GRM7: variants seen among roughly 807,000 people sequenced by gnomAD.
GRM7 encodes metabotropic glutamate receptor 7.
GRM7 carries 35 observed loss-of-function variants against 84.5 expected under a neutral mutation model. The observed-to-expected ratio is 0.41, with a 90% CI of 0.32 to 0.55. The LOEUF is 0.55. GRM7 is among the 20% of genes least tolerant of loss of function. The pLI, the probability that GRM7 is intolerant of heterozygous loss-of-function variation, is 0.19. For synonymous variants in GRM7, 487 were observed against 455.1 expected (o/e 1.07, Z -0.89); for missense variants, 1,003 against 1,194.6 (o/e 0.84, Z 2.36).
At chr3:7,095,766 T>G (rs542962842) in intron 1 of GRM7, among the ~76,000 whole-genome samples, 4 of 152,154 alleles carry the variant, frequency 2.6e-5, no homozygotes, top group Admixed American at 6.6e-5. Context: ...TAGCCATATT[T>G]TTTTCTAGTC....
At chr3:7,141,805 A>G (rs1693953390) in intron 1 of GRM7, among the ~76,000 whole-genome samples, 1 of 152,154 alleles carries the variant, frequency 6.6e-6, no homozygotes, top group Non-Finnish European at 1.5e-5. Context: ...ATAGAACAAA[A>G]GATGTTCTTT....
At chr3:7,173,232 A>C (rs1482019996) in intron 2 of GRM7, among the ~76,000 whole-genome samples, 1 of 152,194 alleles carries the variant, frequency 6.6e-6, no homozygotes, top group Non-Finnish European at 1.5e-5. Flanking sequence ...AGTTAACTAC[A>C]TTCAAATTCA....
chr3:7,505,855 C>A (rs543779613), intron 7 of GRM7, among the ~76,000 whole-genome samples: 1 of 152,142 alleles, frequency 6.6e-6, no homozygotes, highest in Non-Finnish European at 1.5e-5. Flanking sequence ...AAATGTCTTC[C>A]AAGTTTTTCT....
chr3:7,003,082 C>T (rs146698938), intron 1 of GRM7, among the ~76,000 whole-genome samples: 20 of 152,036 alleles, frequency 1.3e-4, no homozygotes, highest in African/African-American at 2.4e-4. Context: ...ACAGAGGCTG[C>T]GGGTTGAGGG....
intron 2 of GRM7, among the ~76,000 whole-genome samples, chr3:7,294,544 C>A: frequency 7.0e-6 from 1 of 143,390 alleles, no homozygotes. Context: ...TTTCTCTATG[C>A]CACCTTCCTA....
At position 7,044,452 on chromosome 3, in the gene GRM7, A is replaced by C. The variant is rs560012536; in HGVS notation, c.520-102000A>C. Among the ~76,000 whole-genome samples, 66 of 152,272 alleles carry C rather than the reference A, an allele frequency of 4.3e-4. 1 individual carries two copies. The South Asian group carries it at 0.013, about 31-fold the overall frequency. On this transcript the variant is annotated intron_variant, in intron 1 of 9. Coordinates refer to ENST00000357716, the MANE Select transcript of GRM7 (RefSeq NM_000844.4). ...ATTGCTTATCATTGAGATAATTTTT[A>C]CATTGGATTATATTTTTAAAATATG...
At chr3:7,048,021 A>G (rs1208499178) in intron 1 of GRM7, among the ~76,000 whole-genome samples, 2 of 152,024 alleles carry the variant, frequency 1.3e-5, no homozygotes, top group East Asian at 3.9e-4. Context: ...TGACATGAAT[A>G]TAGTTAATAA....
At chr3:6,898,121 A>G (rs546190849) in intron 1 of GRM7, among the ~76,000 whole-genome samples, 1 of 152,216 alleles carries the variant, frequency 6.6e-6, no homozygotes, top group South Asian at 2.1e-4. Flanking sequence ...CATCCAGGGC[A>G]CAGAGCTGGA....
chr3:7,132,319 C>T (rs571737381), intron 1 of GRM7, among the ~76,000 whole-genome samples: 3 of 152,198 alleles, frequency 2.0e-5, no homozygotes, highest in African/African-American at 4.8e-5. Flanking sequence ...AACATAAATA[C>T]GCTCATGGAG....
At chr3:7,295,565 A>T (rs1699784347) in intron 2 of GRM7, among the ~76,000 whole-genome samples, 1 of 152,234 alleles carries the variant, frequency 6.6e-6, no homozygotes. Flanking sequence ...GATAGCATTG[A>T]ATCTATAGAT....
chr3:7,709,490 G>A (rs1701506650), intron 9 of GRM7, among the ~76,000 whole-genome samples: 1 of 152,118 alleles, frequency 6.6e-6, no homozygotes, highest in Admixed American at 6.5e-5. Flanking sequence ...AGTGTCAGTG[G>A]AGACAGACAA....
chr3:7,200,970 T>G (rs895562170), intron 2 of GRM7, among the ~76,000 whole-genome samples: 1 of 138,944 alleles, frequency 7.2e-6, no homozygotes, highest in East Asian at 2.0e-4. Flanking sequence ...CAGAATTTTT[T>G]TTTTTTTTTT....
chr3:7,154,420 T>C (rs1351289313), intron 2 of GRM7, among the ~76,000 whole-genome samples: 1 of 152,186 alleles, frequency 6.6e-6, no homozygotes, highest in East Asian at 1.9e-4. Context: ...GATGAGAAAA[T>C]AGTGAAAAAT....
chr3:7,088,863 C>A (rs912933298), intron 1 of GRM7, among the ~76,000 whole-genome samples: 1 of 151,538 alleles, frequency 6.6e-6, no homozygotes, highest in Non-Finnish European at 1.5e-5. Flanking sequence ...TAGAACTTTT[C>A]TAAATAGTCT....
rs1428473722 is a variant in GRM7, at chr3:7,634,492, AAAAAAAAAAAG to A, written c.2452-45556_2452-45546del. 3.0e-3 allele frequency among the ~76,000 whole-genome samples: 396 copies of A among 131,822 alleles called. 4 individuals are homozygous for A. The highest frequency in any genetic ancestry group is 0.01 in the African/African-American group (378 of 36,306). The allele number at this position is 131,822 out of a possible 152,430, so 86.5% of individuals were successfully genotyped here. ...GCACTTTTTTTCCAAAAAAAAAAAA[AAAAAAAAAAAG>A]GGCTGGGCTCCATGGCTCACGCCTG... On this transcript the variant is annotated intron_variant, in intron 8 of 9. Coordinates refer to ENST00000357716, the MANE Select transcript of GRM7 (RefSeq NM_000844.4).
intron 2 of GRM7, among the ~76,000 whole-genome samples, chr3:7,176,238 A>C (rs1449086529): frequency 1.1e-5 from 1 of 90,764 alleles, no homozygotes; most frequent in African/African-American, 4.0e-5. Context: ...GTAAAAAAAA[A>C]AAAAAAAAAA....
At chr3:7,662,839 G>T (rs1157406191) in intron 8 of GRM7, among the ~76,000 whole-genome samples, 2 of 152,114 alleles carry the variant, frequency 1.3e-5, no homozygotes, top group South Asian at 2.1e-4. Context: ...GAAAATATAT[G>T]TATTGTATAT....
intron 8 of GRM7, among the ~76,000 whole-genome samples, chr3:7,651,587 A>T (rs1404288347): frequency 1.3e-5 from 2 of 152,206 alleles, no homozygotes; most frequent in African/African-American, 4.8e-5. Context: ...TCCTTGGCAA[A>T]GAATCCTCAG....
At chr3:6,886,604 A>G (rs1695704604) in intron 1 of GRM7, among the ~76,000 whole-genome samples, 1 of 152,058 alleles carries the variant, frequency 6.6e-6, no homozygotes, top group African/African-American at 2.4e-5. Context: ...TATGCTTCAT[A>G]TTCCTCATGA....
Sources: gnomAD v4.1 joint callset for allele counts (sites outside exome capture counted in the v4.1 genomes callset) on GRCh38, gnomAD v4.1.1 for gene constraint, MANE v1.5 for transcripts, NCBI Gene and HGNC (gene_info 2026-07-23, HGNC 2026-07-21) for gene names.